Variants in MTA3 observed in about 807,000 individuals in gnomAD.
The protein encoded by MTA3 is metastasis-associated protein MTA3.
In MTA3, 34 loss-of-function variants were observed where a neutral mutation model predicts 83.5. The ratio of observed to expected loss-of-function variants is 0.41; its 90% CI spans 0.31 to 0.54. The LOEUF is 0.54. Ranked by LOEUF, MTA3 falls within the 20% of genes least tolerant of loss-of-function variation. The pLI, the probability that MTA3 is intolerant of heterozygous loss-of-function variation, is 0.33. For missense variants in MTA3, 761 were observed against 726.4 expected (o/e 1.05, Z -0.55); for synonymous variants, 303 against 252.7 (o/e 1.20, Z -1.89).
At chr2:42,709,367 A>C in intron 14 of MTA3, 3 of 1,197,342 alleles carry the variant, frequency 2.5e-6, no homozygotes, top group Non-Finnish European at 3.2e-6. Flanking sequence ...ATCCTATTCC[A>C]TGGGGTTTTG....
chr2:42,630,752 C>T (rs1430838486), intron 4 of MTA3, among the ~76,000 whole-genome samples: 4 of 152,094 alleles, frequency 2.6e-5, no homozygotes, highest in South Asian at 2.1e-4. Context: ...AGTGTAGCTG[C>T]AAAATTATAC....
intron 8 of MTA3, among the ~76,000 whole-genome samples, chr2:42,682,079 A>G (rs1196612643): frequency 6.6e-6 from 1 of 151,944 alleles, no homozygotes; most frequent in African/African-American, 2.4e-5. Flanking sequence ...ATAGTGGCGT[A>G]TACCTGTGGT....
intron 1 of MTA3, among the ~76,000 whole-genome samples, chr2:42,570,071 A>C (rs1416720052): frequency 6.6e-6 from 1 of 152,070 alleles, no homozygotes; most frequent in Non-Finnish European, 1.5e-5. Context: ...CTGCAGGGCA[A>C]ATTGTATTGG....
At chr2:42,752,440 C>T in intron 16 of MTA3, 1 of 353,546 alleles carries the variant, frequency 2.8e-6, no homozygotes, top group East Asian at 7.4e-5. Context: ...AAGTAAAAAG[C>T]TTTCACAACT....
chr2:42,753,303 C>T, intron 16 of MTA3, 71 bp from the exon 17 acceptor site: 1 of 1,547,818 alleles, frequency 6.5e-7, no homozygotes. Context: ...GGGGTGAGTC[C>T]ATCCTCCCTT....
In MTA3 at chr2:42,755,682, G is replaced by A; in HGVS notation, c.*2283G>A. 1.5e-5 allele frequency: 15 copies of A among 985,526 alleles called. No homozygotes were observed. Among genetic ancestry groups the A allele is most frequent in the Non-Finnish European group, 1.8e-5 (15 of 829,980 alleles). 61.0% of individuals were successfully genotyped at this position (985,526 alleles called of 1,614,324 possible). On this transcript the variant is annotated 3_prime_UTR_variant, in exon 17 of 17. Transcript: ENST00000405094. ...GCCTCTAGTCTGTGCCTTTGCCGTT[G>A]GAAGCATTTGGTGCTGAGAGGGTTT...
intron 2 of MTA3, among the ~76,000 whole-genome samples, chr2:42,570,999 T>G (rs1202724783): frequency 6.6e-6 from 1 of 151,034 alleles, no homozygotes; most frequent in Non-Finnish European, 1.5e-5. Flanking sequence ...GGCAATGAGA[T>G]AAACTCCGTC....
At chr2:42,713,953 G>A (rs1231404172) in intron 14 of MTA3, among the ~76,000 whole-genome samples, 1 of 152,118 alleles carries the variant, frequency 6.6e-6, no homozygotes, top group African/African-American at 2.4e-5. Flanking sequence ...AGTTAAAGTT[G>A]GGGCCAAGGA....
chr2:42,704,167 A>G (rs770565105), intron 11 of MTA3, 27 bp from the exon 12 acceptor site: 1 of 1,609,084 alleles, frequency 6.2e-7, no homozygotes, highest in Non-Finnish European at 8.5e-7. Flanking sequence ...AAATCATTTT[A>G]TCACCTTATT....
intron 4 of MTA3, among the ~76,000 whole-genome samples, chr2:42,636,936 T>C (rs1031372815): frequency 6.6e-6 from 1 of 152,186 alleles, no homozygotes; most frequent in African/African-American, 2.4e-5. Flanking sequence ...TCCTCTTTCA[T>C]TTATACAAAT....
chr2:42,507,722 A>T (rs1674698953), intron 2 of MTA3, among the ~76,000 whole-genome samples: 1 of 151,806 alleles, frequency 6.6e-6, no homozygotes, highest in Admixed American at 6.6e-5. Context: ...TGAGCCCAGG[A>T]GTTCAAGACC....
rs563926752 is a variant in MTA3, at chr2:42,754,502, A to C, written c.*1103A>C. On this transcript the variant is annotated 3_prime_UTR_variant, in exon 17 of 17. Transcript: ENST00000405094. ...CGGCACGAGCCCTTGGTGGCATCAC[A>C]GTTGGCCACTCAGCTGTGCTGAGTA... 6.1e-5 allele frequency: 60 copies of C among 985,422 alleles called. No homozygotes were observed. The African/African-American group carries it at 1.0e-3, about 17-fold the overall frequency. 61.0% of individuals were successfully genotyped at this position (985,422 alleles called of 1,614,324 possible). A position where few individuals can be genotyped will look rare whatever the true frequency, so the allele number is the denominator to read the frequency against.
At chr2:42,574,649 G>A (rs956564731) in intron 2 of MTA3, among the ~76,000 whole-genome samples, 6 of 150,460 alleles carry the variant, frequency 4.0e-5, no homozygotes, top group African/African-American at 1.5e-4. Flanking sequence ...ATGTTGGCCA[G>A]GCTGGTCATC....
At chr2:42,623,884 G>T (rs1270576842) in intron 4 of MTA3, among the ~76,000 whole-genome samples, 1 of 151,934 alleles carries the variant, frequency 6.6e-6, no homozygotes, top group Non-Finnish European at 1.5e-5. Flanking sequence ...GTAGAGACGG[G>T]GTTTCACCAT....
intron 3 of MTA3, among the ~76,000 whole-genome samples, chr2:42,597,066 G>A (rs1013350042): frequency 2.6e-5 from 4 of 151,446 alleles, no homozygotes; most frequent in Non-Finnish European, 5.9e-5. Context: ...TGCATTGCCC[G>A]GTGAATAATT....
At chr2:42,655,813 G>A (rs1325866864) in intron 6 of MTA3, among the ~76,000 whole-genome samples, 1 of 152,178 alleles carries the variant, frequency 6.6e-6, no homozygotes. Flanking sequence ...ATATTGACCA[G>A]GCTTGTTTCA....
chr2:42,597,375 CTTTTTTTTT>C (rs35943826), intron 3 of MTA3, among the ~76,000 whole-genome samples: 4 of 108,456 alleles, frequency 3.7e-5, no homozygotes, highest in African/African-American at 1.5e-4. Context: ...GACAAGTTAT[CTTTTTTTTT>C]TTTTTTTTTT....
chr2:42,662,395 T>A (rs1253524087), intron 8 of MTA3, among the ~76,000 whole-genome samples: 3 of 151,656 alleles, frequency 2.0e-5, no homozygotes, highest in African/African-American at 7.2e-5. Context: ...TCTTCATATT[T>A]AGGACTGTAA....
intron 8 of MTA3, among the ~76,000 whole-genome samples, chr2:42,674,332 G>A (rs1691130123): frequency 6.6e-6 from 1 of 152,170 alleles, no homozygotes; most frequent in African/African-American, 2.4e-5. Flanking sequence ...AACAAAAGAT[G>A]AGAATTCCAT....
Sources: gnomAD v4.1 joint callset for allele counts (sites outside exome capture counted in the v4.1 genomes callset) on GRCh38, gnomAD v4.1.1 for gene constraint, MANE v1.5 for transcripts, NCBI Gene and HGNC (gene_info 2026-07-23, HGNC 2026-07-21) for gene names.